Variants in METTL25 observed in about 807,000 individuals in gnomAD.
The protein encoded by METTL25 is probable methyltransferase-like protein 25.
Under a neutral mutation model 71.6 loss-of-function variants are expected in METTL25, and 64 were observed. The observed-to-expected ratio is 0.89, with a 90% confidence interval of 0.73 to 1.10. METTL25 has a LOEUF of 1.10. Ranked by LOEUF, METTL25 falls within the 50% of genes least tolerant of loss-of-function variation. The probability of loss-of-function intolerance (pLI) is 0.00; values close to 1 mark genes in which losing one functional copy is unlikely to be tolerated. For synonymous variants in METTL25, 287 were observed against 250.3 expected, an observed-to-expected ratio of 1.15 and a Z score of -1.38; for missense variants, 807 against 707.0, an observed-to-expected ratio of 1.14 and a Z score of -1.60.
chr12:82,448,901 AT>A (rs1890937251), intron 8 of METTL25, among the ~76,000 whole-genome samples: 1 of 152,202 alleles, frequency 6.6e-6, no homozygotes, highest in African/African-American at 2.4e-5. Flanking sequence ...TTTCATAAAT[AT>A]TTTGTGATTA....
intron 1 of METTL25, among the ~76,000 whole-genome samples, chr12:82,363,917 A>T (rs1360658714): frequency 6.6e-6 from 1 of 152,160 alleles, no homozygotes; most frequent in Non-Finnish European, 1.5e-5. Context: ...AGTGGCTGTT[A>T]TAAATATGTT....
At chr12:82,384,798 C>A (rs1158274061) in intron 1 of METTL25, among the ~76,000 whole-genome samples, 2 of 151,950 alleles carry the variant, frequency 1.3e-5, no homozygotes, top group Non-Finnish European at 1.5e-5. Context: ...AGAAATATCA[C>A]AATTCTTTCT....
Position 82,446,587 on chromosome 12 carries a change from GT to G in METTL25, c.1478+7798del, listed in dbSNP as rs1407297893. ...GAATGACCAACGGGTCAATTAAGAAGTTAAAAAGGAAATTTTAAAATTTCTT... is the reference window on the plus strand; with the variant it reads ...GAATGACCAACGGGTCAATTAAGAAGTAAAAAGGAAATTTTAAAATTTCTT... On this transcript the variant is annotated intron_variant, in intron 8 of 11. Transcript: ENST00000248306. Among the ~76,000 whole-genome samples, 3 of 150,218 alleles carry G rather than the reference GT, an allele frequency of 2.0e-5. No individual in the cohort carries two copies. In the East Asian group the frequency reaches 5.9e-4, roughly 29 times the overall value.
intron 5 of METTL25, among the ~76,000 whole-genome samples, chr12:82,424,442 G>A (rs1888819711): frequency 1.3e-5 from 2 of 152,018 alleles, no homozygotes; most frequent in African/African-American, 2.4e-5. Context: ...TGTAAATGAC[G>A]AGTTAATGGG....
At chr12:82,382,371 TTA>T (rs1215609216) in intron 1 of METTL25, among the ~76,000 whole-genome samples, 2 of 152,192 alleles carry the variant, frequency 1.3e-5, no homozygotes, top group African/African-American at 4.8e-5. Context: ...GCGTTTTACT[TTA>T]TGTCACATTC....
chr12:82,375,152 T>A (rs1203542051), intron 1 of METTL25, among the ~76,000 whole-genome samples: 1 of 152,216 alleles, frequency 6.6e-6, no homozygotes, highest in Admixed American at 6.5e-5. Context: ...TTTAGATATA[T>A]GTTGCTGTGG....
At chr12:82,441,408 A>T (rs1325735606) in intron 8 of METTL25, among the ~76,000 whole-genome samples, 1 of 151,954 alleles carries the variant, frequency 6.6e-6, no homozygotes. Context: ...ATGTACCCTT[A>T]GGAAAGCCAG....
In METTL25 at chr12:82,371,672, C is replaced by G. The variant is rs144285625; in HGVS notation, c.259+12848C>G. 5.7e-4 allele frequency among the ~76,000 whole-genome samples: 87 copies of G among 152,144 alleles called. No homozygotes were observed. In the East Asian group the frequency reaches 8.3e-3, roughly 15 times the overall value. ...GATTTTTTTCAGGGCCCAGGGCTCACTTTTGGAGCTTTCTCCTGATATCTG... is the reference window on the plus strand; with the variant it reads ...GATTTTTTTCAGGGCCCAGGGCTCAGTTTTGGAGCTTTCTCCTGATATCTG... On this transcript the variant is annotated intron_variant, in intron 1 of 11. Coordinates refer to ENST00000248306, the MANE Select transcript of METTL25 (RefSeq NM_032230.3).
intron 8 of METTL25, among the ~76,000 whole-genome samples, chr12:82,453,354 G>A (rs950865462): frequency 6.6e-6 from 1 of 152,124 alleles, no homozygotes; most frequent in Non-Finnish European, 1.5e-5. Flanking sequence ...CACAGAGGTG[G>A]CCATTCCTCA....
At chr12:82,409,526 C>T (rs1887382327) in intron 5 of METTL25, among the ~76,000 whole-genome samples, 1 of 152,000 alleles carries the variant, frequency 6.6e-6, no homozygotes, top group Non-Finnish European at 1.5e-5. Flanking sequence ...TTCAGATCCA[C>T]ACATTTTTTC....
At chr12:82,379,188 G>C (rs1483261108) in intron 1 of METTL25, among the ~76,000 whole-genome samples, 1 of 152,194 alleles carries the variant, frequency 6.6e-6, no homozygotes, top group African/African-American at 2.4e-5. Flanking sequence ...GTGACATTTT[G>C]AGGTGCTGTG....
At chr12:82,398,130 A>G (rs979131432) in intron 3 of METTL25, among the ~76,000 whole-genome samples, 1 of 151,758 alleles carries the variant, frequency 6.6e-6, no homozygotes, top group Admixed American at 6.6e-5. Flanking sequence ...TTAGTTTTTT[A>G]TGCAGTGTTT....
intron 1 of METTL25, among the ~76,000 whole-genome samples, chr12:82,366,869 A>G (rs1171071104): frequency 1.3e-5 from 2 of 152,174 alleles, no homozygotes; most frequent in African/African-American, 2.4e-5. Flanking sequence ...TTAGATTTCA[A>G]ATGTAAAAAT....
chr12:82,428,829 C>G (rs1294132074), intron 5 of METTL25, among the ~76,000 whole-genome samples: 2 of 151,764 alleles, frequency 1.3e-5, no homozygotes, highest in African/African-American at 4.8e-5. Context: ...CAGAATTGTT[C>G]TAGGAACTGA....
chr12:82,422,056 C>T (rs1333968683), intron 5 of METTL25, among the ~76,000 whole-genome samples: 1 of 152,134 alleles, frequency 6.6e-6, no homozygotes, highest in Non-Finnish European at 1.5e-5. Flanking sequence ...ATGAGGCCAG[C>T]ATCATCCTGA....
At chr12:82,470,291 G>A (rs1202188904) in intron 9 of METTL25, among the ~76,000 whole-genome samples, 3 of 152,170 alleles carry the variant, frequency 2.0e-5, no homozygotes, top group African/African-American at 7.2e-5. Flanking sequence ...AAATAAAATA[G>A]GAGGTAGTCT....
chr12:82,418,627 T>C (rs1247770719), intron 5 of METTL25, among the ~76,000 whole-genome samples: 1 of 152,132 alleles, frequency 6.6e-6, no homozygotes, highest in Non-Finnish European at 1.5e-5. Context: ...AATAACATCA[T>C]GGGATCTATA....
intron 7 of METTL25, among the ~76,000 whole-genome samples, chr12:82,436,953 T>C (rs1263226859): frequency 6.6e-6 from 1 of 151,614 alleles, no homozygotes; most frequent in East Asian, 1.9e-4. Context: ...TAAAATGTTA[T>C]AGGAATAGGT....
chr12:82,415,021 G>C (rs976875544), intron 5 of METTL25, among the ~76,000 whole-genome samples: 1 of 152,070 alleles, frequency 6.6e-6, no homozygotes, highest in Non-Finnish European at 1.5e-5. Flanking sequence ...CAAGCATAAA[G>C]TTTTGCAGCA....
Sources: gnomAD v4.1 joint callset for allele counts (sites outside exome capture counted in the v4.1 genomes callset) on GRCh38, gnomAD v4.1.1 for gene constraint, MANE v1.5 for transcripts, NCBI Gene and HGNC (gene_info 2026-07-23, HGNC 2026-07-21) for gene names.